PPP2R3C: variants seen among roughly 807,000 people sequenced by gnomAD.
PPP2R3C encodes protein phosphatase 2 regulatory subunit B''gamma, also known as serine/threonine-protein phosphatase 2A regulatory subunit B'' subunit gamma.
Under a neutral mutation model 63.7 loss-of-function variants are expected in PPP2R3C, and 47 were observed. That is an observed-to-expected ratio of 0.74 (90% CI 0.58 to 0.94). PPP2R3C has a LOEUF of 0.94. Ranked by LOEUF, PPP2R3C falls within the 40% of genes least tolerant of loss-of-function variation. The probability of loss-of-function intolerance (pLI) is 0.00; values close to 1 mark genes in which losing one functional copy is unlikely to be tolerated. For missense variants in PPP2R3C, 421 were observed against 518.4 expected, an observed-to-expected ratio of 0.81 and a Z score of 1.82; for synonymous variants, 180 against 177.4, an observed-to-expected ratio of 1.01 and a Z score of -0.12.
intron 1 of PPP2R3C, among the ~76,000 whole-genome samples, chr14:35,121,089 G>C (rs1458546179): frequency 6.6e-6 from 1 of 152,096 alleles, no homozygotes; most frequent in East Asian, 1.9e-4. Context: ...TTAAAAGTGA[G>C]ATAACTCGGC....
chr14:35,109,760 T>A, intron 4 of PPP2R3C, 59 bp downstream of exon 4: 1 of 1,350,688 alleles, frequency 7.4e-7, no homozygotes, highest in Non-Finnish European at 1.0e-6. Flanking sequence ...CCAGCCAATA[T>A]TTGAGGCATT....
At chr14:35,117,419 C>T (rs1354264863) in intron 1 of PPP2R3C, among the ~76,000 whole-genome samples, 3 of 152,150 alleles carry the variant, frequency 2.0e-5, no homozygotes, top group African/African-American at 7.2e-5. Flanking sequence ...AGACTTTCAC[C>T]TCTAGTTCAT....
chr14:35,115,167 C>CTT (rs1201457543), intron 2 of PPP2R3C, among the ~76,000 whole-genome samples: 14 of 132,314 alleles, frequency 1.1e-4, no homozygotes, highest in African/African-American at 3.1e-4. Context: ...TTTTCTTTTT[C>CTT]TTTTTTTTTT....
intron 11 of PPP2R3C, among the ~76,000 whole-genome samples, chr14:35,089,188 G>A (rs1424969369): frequency 6.6e-6 from 1 of 152,006 alleles, no homozygotes; most frequent in East Asian, 1.9e-4. Flanking sequence ...CTGCAGCCTT[G>A]ACCTCCCGGA....
At chr14:35,106,180 T>C (rs1001314252) in intron 6 of PPP2R3C, among the ~76,000 whole-genome samples, 6 of 152,016 alleles carry the variant, frequency 3.9e-5, no homozygotes, top group African/African-American at 1.4e-4. Context: ...AAAAAGAAAA[T>C]AAATTTTACA....
At chr14:35,092,868 T>G (rs2138619156) in intron 10 of PPP2R3C, among the ~76,000 whole-genome samples, 1 of 152,204 alleles carries the variant, frequency 6.6e-6, no homozygotes, top group Non-Finnish European at 1.5e-5. Flanking sequence ...CATTTTACAG[T>G]GAGCTGACAC....
At chr14:35,109,381 C>A (rs1019418188) in intron 4 of PPP2R3C, among the ~76,000 whole-genome samples, 36 of 151,910 alleles carry the variant, frequency 2.4e-4, no homozygotes, top group African/African-American at 8.4e-4. Context: ...TAACTTCATA[C>A]CAATGTGATT....
At chr14:35,117,320 G>C in intron 1 of PPP2R3C, 1 of 377,840 alleles carries the variant, frequency 2.6e-6, no homozygotes, top group Non-Finnish European at 5.3e-6. Flanking sequence ...GGACTATGGT[G>C]ACTGGTACAC....
chr14:35,109,920 A>T lies in PPP2R3C; in HGVS notation c.303T>A (p.Phe101Leu). 1 of 1,598,660 alleles carries T rather than the reference A, an allele frequency of 6.3e-7. No homozygotes were observed. The highest frequency in any genetic ancestry group is 8.6e-7 in the Non-Finnish European group (1 of 1,168,794). ...LDNEELQNLW[F>L]LLDKHQTPPM... is the part of the protein sequence containing the mutation. ...GTGGTGTCTGGTGTTTGTCCAGCAA[A>T]AACCATAAGTTCTTAAGAGAATTGT... The change falls in exon 4 of 13, where the codon TTT becomes TTA. Residue 101 changes from phenylalanine to leucine, a missense_variant. By Grantham distance (22) the Phe-to-Leu change is conservative. This residue lies in a region of PPP2R3C where 143 missense variants were observed against 151.2 expected (regional missense o/e 0.95). Transcript: ENST00000261475.
chr14:35,110,506 CT>C lies in PPP2R3C; in HGVS notation c.291+18del. 1.3e-6 allele frequency: 2 copies of C among 1,511,812 alleles called. No homozygotes were observed. The highest frequency in any genetic ancestry group is 1.8e-6 in the Non-Finnish European group (2 of 1,100,192). The allele number at this position is 1,511,812 out of a possible 1,614,324, so 93.6% of individuals were successfully genotyped here. A position where few individuals can be genotyped will look rare whatever the true frequency, so the allele number is the denominator to read the frequency against. On this transcript the variant is annotated intron_variant, in intron 3 of 12. Transcript: ENST00000261475. Reference sequence around the variant, plus strand: ...GAGAAATGGTTAACATCTAAAGCAACTTTTTGCTTTGTTCTTACCTGTAATT... The same window carrying C: ...GAGAAATGGTTAACATCTAAAGCAACTTTTGCTTTGTTCTTACCTGTAATT...
chr14:35,108,199 G>A lies in PPP2R3C; in HGVS notation c.442C>T (p.His148Tyr). The A allele has an allele frequency of 6.3e-7, 1 of 1,592,146 alleles. No individual in the cohort carries two copies. Among genetic ancestry groups the A allele is most frequent in the Non-Finnish European group, 8.5e-7 (1 of 1,174,354 alleles). The change falls in exon 5 of 13, where the codon CAT becomes TAT. Residue 148 changes from histidine to tyrosine, a missense_variant. This residue lies in a region of PPP2R3C where 47 missense variants were observed against 102.3 expected (regional missense o/e 0.46). Coordinates refer to ENST00000261475, the MANE Select transcript of PPP2R3C (RefSeq NM_017917.4). ...FTAKVFAKLL[H>Y]TDSYGRISIM... ...GAAATTCTTCCATATGAATCTGTAT[G>A]AAGGAGTTTAGCAAAGACTTTTGCT...
chr14:35,105,999 C>T lies in PPP2R3C; in HGVS notation c.573+1305G>A, dbSNP rs867817138. 1.4e-4 allele frequency among the ~76,000 whole-genome samples: 22 copies of T among 152,102 alleles called. 1 individual carries two copies. Among genetic ancestry groups the T allele is most frequent in the Non-Finnish European group, 2.9e-4 (20 of 67,984 alleles). On this transcript the variant is annotated intron_variant, in intron 6 of 12. Transcript: ENST00000261475. ...CTGGAACTACAGGTGCCTGCCACCA[C>T]GCCCGGCTAATTTTTTTTTGTATTT...
At position 35,096,302 on chromosome 14, in the gene PPP2R3C, C is replaced by T. The variant is rs535345578; in HGVS notation, c.838+256G>A. ...CTAGGACTTCAAGGCTGCACTGAGC[C>T]GTGATCATGTCACTGCACTCCAGCC... On this transcript the variant is annotated intron_variant, in intron 9 of 12. Coordinates refer to ENST00000261475, the MANE Select transcript of PPP2R3C (RefSeq NM_017917.4). 3.3e-5 allele frequency among the ~76,000 whole-genome samples: 5 copies of T among 152,194 alleles called. No homozygotes were observed. In the East Asian group the frequency reaches 5.8e-4, roughly 18 times the overall value.
Position 35,085,480 on chromosome 14 carries a change from C to G in PPP2R3C, c.*110G>C, listed in dbSNP as rs1214608502. ...GTAACCAAAACATTTGCTGTGTTCT[C>G]TAGGCATATCAAGTGTTTTATTTAG... On this transcript the variant is annotated 3_prime_UTR_variant, in exon 13 of 13. Coordinates refer to ENST00000261475, the MANE Select transcript of PPP2R3C (RefSeq NM_017917.4). The G allele has an allele frequency of 1.0e-6, 1 of 986,270 alleles. No homozygotes were observed. The highest frequency in any genetic ancestry group is 1.4e-6 in the Non-Finnish European group (1 of 703,170). The allele number at this position is 986,270 out of a possible 1,614,324, so 61.1% of individuals were successfully genotyped here.
At chr14:35,098,768 A>T (rs2046090354) in intron 7 of PPP2R3C, 1 of 153,452 alleles carries the variant, frequency 6.5e-6, no homozygotes, top group Non-Finnish European at 1.4e-5. Context: ...AGTTAATAAA[A>T]CAAACTGTTA....
At chr14:35,106,516 T>G (rs2046363481) in intron 6 of PPP2R3C, 1 of 152,422 alleles carries the variant, frequency 6.6e-6, no homozygotes, top group Non-Finnish European at 1.5e-5. Flanking sequence ...CAAATTTTTC[T>G]ATTTTTAGTA....
chr14:35,094,945 C>T, intron 10 of PPP2R3C, 103 bp downstream of exon 10: 10 of 1,285,218 alleles, frequency 7.8e-6, no homozygotes, highest in Middle Eastern at 2.0e-4. Context: ...CAGAGCAAGA[C>T]TCTGTCTCAA....
intron 12 of PPP2R3C, 97 bp from the exon 13 acceptor site, chr14:35,085,875 C>G: frequency 1.0e-6 from 1 of 967,488 alleles, no homozygotes; most frequent in Non-Finnish European, 1.5e-6. Context: ...CACTGAAGTA[C>G]AGAGGAATAA....
intron 2 of PPP2R3C, among the ~76,000 whole-genome samples, chr14:35,111,061 C>A (rs1245832342): frequency 6.6e-6 from 1 of 151,772 alleles, no homozygotes; most frequent in African/African-American, 2.4e-5. Context: ...ACTGTGCAAC[C>A]CCGTCTCTAC....
Sources: gnomAD v4.1 joint callset for allele counts (sites outside exome capture counted in the v4.1 genomes callset) on GRCh38, gnomAD v4.1.1 for gene constraint, gnomAD v4.1.1 regional missense constraint, MANE v1.5 for transcripts, NCBI Gene and HGNC (gene_info 2026-07-23, HGNC 2026-07-21) for gene names.